The following NFX1 variants were observed in gnomAD, a reference collection of about 807,000 sequenced individuals.
NFX1 encodes the protein transcriptional repressor NF-X1.
A neutral mutation model predicts 137.2 loss-of-function variants in NFX1; 69 were observed. The ratio of observed to expected loss-of-function variants is 0.50; its 90% CI spans 0.41 to 0.61. The LOEUF is 0.61. Among genes scored for constraint, NFX1 ranks in the 20% least tolerant of loss-of-function variants. The probability of loss-of-function intolerance (pLI) is 0.00; values close to 1 mark genes in which losing one functional copy is unlikely to be tolerated. For missense variants in NFX1, 1,167 were observed against 1,391.0 expected (o/e 0.84, Z 2.56); for synonymous variants, 495 against 474.1 (o/e 1.04, Z -0.57).
At chr9:33,353,007 TGCTGG>T in intron 17 of NFX1, 1 of 323,112 alleles carries the variant, frequency 3.1e-6, no homozygotes, top group Non-Finnish European at 5.7e-6. Flanking sequence ...CCTCCCAAAG[TGCTGG>T]GATCACAGGC....
At chr9:33,316,775 ACT>A (rs1194317905) in intron 7 of NFX1, among the ~76,000 whole-genome samples, 3 of 151,954 alleles carry the variant, frequency 2.0e-5, no homozygotes, top group African/African-American at 7.3e-5. Flanking sequence ...ACCAGCTGTG[ACT>A]CTACCTAATT....
chr9:33,294,297 T>TA, intron 1 of NFX1, 123 bp from the exon 2 acceptor site: 1 of 883,200 alleles, frequency 1.1e-6, no homozygotes, highest in Admixed American at 2.6e-5. Context: ...ACATAGTTCT[T>TA]ACTTAACAGC....
Position 33,344,154 on chromosome 9 carries a change from A to T in NFX1, c.2310A>T (p.Gln770His). 14 of 1,614,000 alleles carry T rather than the reference A, an allele frequency of 8.7e-6. No homozygotes were observed. Among genetic ancestry groups the T allele is most frequent in the African/African-American group, 6.7e-5 (5 of 75,044 alleles). The change falls in exon 14 of 24, where the codon CAA (glutamine) becomes CAT (histidine). Residue 770 changes from glutamine to histidine, a missense_variant. By Grantham distance (24) the Gln-to-His change is conservative (BLOSUM62 0). This residue lies in a region of NFX1 where 488 missense variants were observed against 691.5 expected (regional missense o/e 0.71). Coordinates refer to ENST00000379540, the MANE Select transcript of NFX1 (RefSeq NM_002504.6). The stretch of plus-strand genomic sequence containing the variant: ...GTACTAGGCCCCCTGAATGTACCCA[A>T]ACCTGCGCTAGAGTCCATGAGTGTG... ...PCGTRPPECT[Q>H]TCARVHECDH...
At chr9:33,368,257 T>C (rs1025152399) in intron 23 of NFX1, among the ~76,000 whole-genome samples, 1 of 151,736 alleles carries the variant, frequency 6.6e-6, no homozygotes, top group African/African-American at 2.4e-5. Flanking sequence ...GAATAGTTAC[T>C]CTGAAGATGC....
intron 19 of NFX1, among the ~76,000 whole-genome samples, chr9:33,360,079 C>T (rs1246577292): frequency 1.3e-5 from 2 of 152,132 alleles, no homozygotes; most frequent in African/African-American, 2.4e-5. Context: ...CTTTAGGAAC[C>T]GTCAGTCAGT....
At position 33,318,712 on chromosome 9, in the gene NFX1, T is replaced by C. The variant is rs1822266509; in HGVS notation, c.1589-19T>C. 1 of 1,611,070 alleles carries C rather than the reference T, an allele frequency of 6.2e-7. No homozygotes were observed. ...CATACATGTTACTAACGTTTTGTTT[T>C]TGAAATTTTCTCTTCAAGTATGCTA... On this transcript the variant is annotated intron_variant, in intron 7 of 23. Coordinates refer to ENST00000379540, the MANE Select transcript of NFX1 (RefSeq NM_002504.6).
chr9:33,316,138 C>G (rs1170359494), intron 7 of NFX1, among the ~76,000 whole-genome samples: 1 of 152,108 alleles, frequency 6.6e-6, no homozygotes, highest in African/African-American at 2.4e-5. Flanking sequence ...TGGGTGCTCC[C>G]TCCAGTTTTA....
chr9:33,347,035 C>T lies in NFX1; in HGVS notation c.2345-3C>T. ...TCCTAAAGTTACCTTTCTCTTTCTG[C>T]AGTATATCATTCTTGTCATAGTGAG... On this transcript the variant is annotated splice_polypyrimidine_tract_variant and splice_region_variant and intron_variant, in intron 14 of 23. Transcript: ENST00000379540. 6.2e-7 allele frequency: 1 copy of T among 1,608,114 alleles called. No individual in the cohort carries two copies. The highest frequency in any genetic ancestry group is 8.5e-7 in the Non-Finnish European group (1 of 1,175,160).
intron 19 of NFX1, among the ~76,000 whole-genome samples, chr9:33,357,992 C>T (rs973852792): frequency 3.3e-5 from 5 of 152,118 alleles, no homozygotes; most frequent in African/African-American, 1.2e-4. Flanking sequence ...AAGGTGTATT[C>T]TTGCATTTCA....
At chr9:33,342,279 G>A (rs1823255445) in intron 12 of NFX1, among the ~76,000 whole-genome samples, 1 of 152,032 alleles carries the variant, frequency 6.6e-6, no homozygotes, top group African/African-American at 2.4e-5. Context: ...GGCTAACACG[G>A]TGAAACCTCG....
Position 33,313,684 on chromosome 9 carries a change from A to G in NFX1, c.1479A>G (p.Ser493=). 1 of 1,614,186 alleles carries G rather than the reference A, an allele frequency of 6.2e-7. No individual in the cohort carries two copies. Among genetic ancestry groups the G allele is most frequent in the South Asian group, 1.1e-5 (1 of 91,080 alleles). The change falls in exon 7 of 24, where the codon TCA becomes TCG. Residue 493 remains serine, a synonymous_variant. Coordinates refer to ENST00000379540, the MANE Select transcript of NFX1 (RefSeq NM_002504.6). ...CAGTTCGCTGTGGTCAGGCTGTCTC[A>G]GTCCACTGTTCTAACCCATGTGAGA... The part of the protein sequence containing the change: ...RHTVRCGQAV[S]VHCSNPCENI...
At chr9:33,336,711 C>T (rs1823017291) in intron 11 of NFX1, among the ~76,000 whole-genome samples, 1 of 152,098 alleles carries the variant, frequency 6.6e-6, no homozygotes, top group African/African-American at 2.4e-5. Flanking sequence ...AGTGGTCCTC[C>T]CACACAAGCC....
intron 19 of NFX1, among the ~76,000 whole-genome samples, chr9:33,361,825 G>A (rs568423948): frequency 2.0e-5 from 3 of 149,094 alleles, no homozygotes; most frequent in East Asian, 2.0e-4. Flanking sequence ...AGAGAGAAAC[G>A]TTATAGTGAA....
intron 2 of NFX1, 64 bp downstream of exon 2, chr9:33,295,491 A>G: frequency 6.8e-7 from 1 of 1,460,614 alleles, no homozygotes; most frequent in South Asian, 1.4e-5. Flanking sequence ...AATAAGTCAT[A>G]TATTCACATA....
At chr9:33,354,512 C>A (rs921601405) in intron 18 of NFX1, among the ~76,000 whole-genome samples, 1 of 152,160 alleles carries the variant, frequency 6.6e-6, no homozygotes, top group Non-Finnish European at 1.5e-5. Flanking sequence ...AAGAGGGGCA[C>A]CTGTGGAGCA....
chr9:33,322,131 G>T (rs1447066438), intron 9 of NFX1, among the ~76,000 whole-genome samples: 2 of 151,252 alleles, frequency 1.3e-5, no homozygotes, highest in African/African-American at 2.4e-5. Flanking sequence ...AACCTGGGGG[G>T]CAGTAGTTGC....
intron 10 of NFX1, among the ~76,000 whole-genome samples, chr9:33,330,878 C>T (rs1209831218): frequency 2.0e-5 from 3 of 152,090 alleles, no homozygotes; most frequent in Admixed American, 6.6e-5. Flanking sequence ...AAAAAAAACT[C>T]TTCAAAAAGC....
At chr9:33,331,112 A>G (rs778272099) in intron 10 of NFX1, among the ~76,000 whole-genome samples, 1 of 152,014 alleles carries the variant, frequency 6.6e-6, no homozygotes, top group Admixed American at 6.6e-5. Flanking sequence ...CTTGCAGTGA[A>G]CCGAGATTGC....
intron 9 of NFX1, among the ~76,000 whole-genome samples, chr9:33,325,791 A>G (rs976371739): frequency 2.0e-4 from 30 of 152,234 alleles, no homozygotes; most frequent in Admixed American, 1.9e-3. Flanking sequence ...AGTAAGTACT[A>G]AAAGAAATTC....
Sources: allele counts gnomAD v4.1 joint callset (sites outside exome capture counted in the v4.1 genomes callset), GRCh38; gene constraint gnomAD v4.1.1; regional missense constraint gnomAD v4.1.1; transcripts MANE v1.5; gene names NCBI Gene and HGNC (gene_info 2026-07-23, HGNC 2026-07-21).